NFE2L3: variants seen among roughly 807,000 people sequenced by gnomAD.
The protein encoded by NFE2L3 is nuclear factor erythroid 2-related factor 3.
A neutral mutation model predicts 23.5 loss-of-function variants in NFE2L3; 18 were observed. The ratio of observed to expected loss-of-function variants is 0.77; its 90% CI spans 0.53 to 1.13. The LOEUF is 1.13. Ranked by LOEUF, NFE2L3 falls within the 50% of genes most tolerant of loss-of-function variation. NFE2L3 has a pLI of 0.00. For synonymous variants in NFE2L3, 424 were observed against 354.5 expected (o/e 1.20, Z -2.20); for missense variants, 1,152 against 877.2 (o/e 1.31, Z -3.96).
intron 1 of NFE2L3, among the ~76,000 whole-genome samples, chr7:26,153,742 A>G (rs187372687): frequency 6.6e-6 from 1 of 152,322 alleles, no homozygotes; most frequent in African/African-American, 2.4e-5. Flanking sequence ...CCTTTGGTTT[A>G]TGGGTCCAAA....
At chr7:26,173,640 C>T (rs754142907) in intron 1 of NFE2L3, 3 of 152,188 alleles carry the variant, frequency 2.0e-5, no homozygotes, top group Non-Finnish European at 2.9e-5. Flanking sequence ...CCTTTTCTTC[C>T]TTCCCCAGAT....
Position 26,182,796 on chromosome 7 carries a change from T to C in NFE2L3, c.751-905T>C, listed in dbSNP as rs556384017. The stretch of plus-strand genomic sequence containing the variant: ...AATTGGAGTAAATGTAAATAAGTAT[T>C]GACTGTAAAAATATTTTTTGAGACG... On this transcript the variant is annotated intron_variant, in intron 2 of 3. Transcript: ENST00000056233. Among the ~76,000 whole-genome samples the C allele has an allele frequency of 3.9e-5, 6 of 152,264 alleles. 1 individual carries two copies. In the South Asian group the frequency reaches 1.2e-3, roughly 32 times the overall value.
At position 26,184,782 on chromosome 7, in the gene NFE2L3, A is replaced by G. The variant is rs755588163; in HGVS notation, c.1084A>G (p.Thr362Ala). 6.2e-7 allele frequency: 1 copy of G among 1,613,960 alleles called. No individual in the cohort carries two copies. Among genetic ancestry groups the G allele is most frequent in the Middle Eastern group, 1.7e-4 (1 of 6,056 alleles). The stretch of plus-strand genomic sequence containing the variant: ...GCAAACCCTTCCTGGAACTAATTTG[A>G]CAGGATTTCTTTCACCGGTTGACAA... ...PEQTLPGTNL[T>A]GFLSPVDNHM... Residue 362 changes from threonine (T) to alanine (A), a missense_variant, in exon 4 of 4, where the codon ACA (threonine) becomes GCA (alanine). Transcript: ENST00000056233.
rs1583943535 is a variant in NFE2L3, at chr7:26,185,950, TTCAAGA to T, written c.*171_*176del. On this transcript the variant is annotated 3_prime_UTR_variant, in exon 4 of 4. Transcript: ENST00000056233. ...GCTTACATGGACAAATGTTTAGGACTTCAAGATCACACTTGTGGGCAATCTGGGGGA... is the reference window on the plus strand; with the variant it reads ...GCTTACATGGACAAATGTTTAGGACTTCACACTTGTGGGCAATCTGGGGGA... The T allele has an allele frequency of 5.0e-6, 3 of 596,766 alleles. No homozygotes were observed. The allele number at this position is 596,766 out of a possible 1,614,324, so 37.0% of individuals were successfully genotyped here.
At chr7:26,164,493 T>C (rs942663412) in intron 1 of NFE2L3, among the ~76,000 whole-genome samples, 1 of 152,254 alleles carries the variant, frequency 6.6e-6, no homozygotes, top group Admixed American at 6.5e-5. Context: ...TGCCCGCTTG[T>C]TGATGGGGTT....
At chr7:26,183,884 A>G (rs1782400543) in intron 3 of NFE2L3, 100 bp downstream of exon 3, 3 of 769,714 alleles carry the variant, frequency 3.9e-6, no homozygotes, top group South Asian at 3.1e-5. Flanking sequence ...AGCAGTTTAA[A>G]GTAATGCTTA....
chr7:26,153,880 A>G (rs547657345), intron 1 of NFE2L3, among the ~76,000 whole-genome samples: 36 of 152,334 alleles, frequency 2.4e-4, no homozygotes, highest in African/African-American at 8.2e-4. Context: ...CCACAAAACC[A>G]CTTTACCCAA....
chr7:26,183,606 G>A (rs1782388195), intron 2 of NFE2L3, 95 bp from the exon 3 acceptor site: 2 of 754,074 alleles, frequency 2.7e-6, no homozygotes, highest in Non-Finnish European at 2.3e-6. Context: ...ATCCAGTGTG[G>A]AAATAATACC....
At chr7:26,156,404 C>A (rs973057468) in intron 1 of NFE2L3, among the ~76,000 whole-genome samples, 3 of 152,124 alleles carry the variant, frequency 2.0e-5, no homozygotes, top group Non-Finnish European at 2.9e-5. Context: ...GTATAATTTT[C>A]CATAATTTAT....
chr7:26,168,882 T>C (rs1013155854), intron 1 of NFE2L3, among the ~76,000 whole-genome samples: 3 of 152,188 alleles, frequency 2.0e-5, no homozygotes, highest in Admixed American at 2.0e-4. Flanking sequence ...CCTTAAAATA[T>C]GAATTAGATA....
intron 2 of NFE2L3, among the ~76,000 whole-genome samples, chr7:26,179,522 A>G (rs901233898): frequency 2.6e-5 from 4 of 151,186 alleles, no homozygotes; most frequent in Non-Finnish European, 5.9e-5. Context: ...AAAAAGTATA[A>G]CCCAATGTAA....
chr7:26,153,900 C>T (rs1784039391), intron 1 of NFE2L3, among the ~76,000 whole-genome samples: 1 of 152,210 alleles, frequency 6.6e-6, no homozygotes, highest in Non-Finnish European at 1.5e-5. Flanking sequence ...AAGTTCCTTC[C>T]AGGGGACTTT....
At chr7:26,156,944 C>T (rs1196878624) in intron 1 of NFE2L3, among the ~76,000 whole-genome samples, 1 of 152,104 alleles carries the variant, frequency 6.6e-6, no homozygotes, top group Non-Finnish European at 1.5e-5. Context: ...AACCCCGTCT[C>T]TACTAAAAAT....
Position 26,184,718 on chromosome 7 carries a change from A to T in NFE2L3, c.1020A>T (p.Glu340Asp), listed in dbSNP as rs745345856. 2.5e-6 allele frequency: 4 copies of T among 1,613,900 alleles called. No homozygotes were observed. In the Admixed American group the frequency reaches 6.7e-5, roughly 27 times the overall value. The change falls in exon 4 of 4, where the codon GAA becomes GAT. Residue 340 changes from glutamate to aspartate, a missense_variant. Coordinates refer to ENST00000056233, the MANE Select transcript of NFE2L3 (RefSeq NM_004289.7). Reference sequence around the variant, plus strand: ...CAGCAAGGACTTCACAGTCACAAGAACCATTTCTGCAGTTAAATTCTCATA... The same window carrying T: ...CAGCAAGGACTTCACAGTCACAAGATCCATTTCTGCAGTTAAATTCTCATA... ...DPTARTSQSQ[E>D]PFLQLNSHTT...
chr7:26,155,197 C>A (rs1784062699), intron 1 of NFE2L3, among the ~76,000 whole-genome samples: 1 of 152,120 alleles, frequency 6.6e-6, no homozygotes, highest in Non-Finnish European at 1.5e-5. Context: ...TATCCCAGCA[C>A]TTTGGGAGGC....
At chr7:26,154,355 C>T (rs1784049889) in intron 1 of NFE2L3, among the ~76,000 whole-genome samples, 1 of 152,202 alleles carries the variant, frequency 6.6e-6, no homozygotes, top group South Asian at 2.1e-4. Context: ...TACCACCATT[C>T]CTGGTTCTGT....
At chr7:26,184,225 G>T in intron 3 of NFE2L3, 1 of 359,326 alleles carries the variant, frequency 2.8e-6, no homozygotes, top group Non-Finnish European at 5.1e-6. Flanking sequence ...CAACCGCTAG[G>T]ATGAGTTGCA....
chr7:26,185,661 A>G lies in NFE2L3; in HGVS notation c.1963A>G (p.Arg655Gly). 1 of 1,613,942 alleles carries G rather than the reference A, an allele frequency of 6.2e-7. No individual in the cohort carries two copies. Among genetic ancestry groups the G allele is most frequent in the Non-Finnish European group, 8.5e-7 (1 of 1,179,816 alleles). The change falls in exon 4 of 4, where the codon AGG (arginine) becomes GGG (glycine). Residue 655 changes from arginine (R) to glycine (G), a missense_variant. Transcript: ENST00000056233. ...IFSRLRDDQG[R>G]PVNPNHYALQ... ...TAGTAGATTAAGAGATGACCAAGGT[A>G]GGCCAGTCAATCCCAACCACTATGC... is the stretch of plus-strand genomic sequence containing the variant.
intron 2 of NFE2L3, among the ~76,000 whole-genome samples, chr7:26,182,328 A>G (rs373157533): frequency 3.3e-5 from 5 of 152,176 alleles, no homozygotes; most frequent in African/African-American, 1.2e-4. Context: ...ATGAAGGCAA[A>G]ATAATTCCAT....
Sources: allele counts gnomAD v4.1 joint callset (sites outside exome capture counted in the v4.1 genomes callset), GRCh38; gene constraint gnomAD v4.1.1; transcripts MANE v1.5; gene names NCBI Gene and HGNC (gene_info 2026-07-23, HGNC 2026-07-21).